Variants in CHCHD6 observed in about 807,000 individuals in gnomAD.
CHCHD6 encodes coiled-coil-helix-coiled-coil-helix domain containing 6, also known as MICOS complex subunit MIC25.
Under a neutral mutation model 32.3 loss-of-function variants are expected in CHCHD6, and 28 were observed. That is an observed-to-expected ratio of 0.87 (90% CI 0.64 to 1.19). CHCHD6 has a LOEUF of 1.19. CHCHD6 is among the 50% of genes most tolerant of loss of function. The pLI is 0.00. For synonymous variants in CHCHD6, 122 were observed against 117.5 expected (o/e 1.04, Z -0.25); for missense variants, 333 against 307.0 (o/e 1.08, Z -0.63).
At chr3:126,809,561 G>A (rs539524914) in intron 4 of CHCHD6, among the ~76,000 whole-genome samples, 2 of 152,318 alleles carry the variant, frequency 1.3e-5, no homozygotes, top group Admixed American at 1.3e-4. Context: ...AATTGTGTAA[G>A]CTGAACCAAG....
intron 1 of CHCHD6, among the ~76,000 whole-genome samples, chr3:126,715,818 C>A (rs1395291562): frequency 6.6e-6 from 1 of 152,144 alleles, no homozygotes; most frequent in Non-Finnish European, 1.5e-5. Flanking sequence ...CTCATGAATC[C>A]TTTCAGAGTT....
rs149023330 is a variant in CHCHD6, at chr3:126,914,523, G to A, written c.496-157G>A. On this transcript the variant is annotated intron_variant, in intron 5 of 7. Transcript: ENST00000290913. ...TAGGATTCTGTAGCAGCAGCCATGC[G>A]TGGTGGAGCTGGAACCCAAGGTGTG... Among the ~76,000 whole-genome samples the A allele has an allele frequency of 8.4e-4, 128 of 152,346 alleles. 1 individual carries two copies. The highest frequency in any genetic ancestry group is 2.9e-3 in the African/African-American group (119 of 41,578).
At chr3:126,724,841 C>T (rs879848152) in intron 1 of CHCHD6, among the ~76,000 whole-genome samples, 4 of 152,182 alleles carry the variant, frequency 2.6e-5, no homozygotes, top group Admixed American at 6.6e-5. Context: ...CACTTTCTTT[C>T]CTCATCCATA....
At chr3:126,938,436 C>T (rs1329217731) in intron 6 of CHCHD6, among the ~76,000 whole-genome samples, 7 of 152,110 alleles carry the variant, frequency 4.6e-5, no homozygotes, top group African/African-American at 1.7e-4. Flanking sequence ...GGAGTGTGTA[C>T]GTGACGCAGT....
In CHCHD6 at chr3:126,727,187, G is replaced by C; in HGVS notation, c.196+1G>C. On this transcript the variant is annotated splice_donor_variant, in intron 2 of 7. Coordinates refer to ENST00000290913, the MANE Select transcript of CHCHD6 (RefSeq NM_032343.3). LOFTEE classifies it high-confidence loss of function. ...GGCAACTTGAGAGCCCCTCACAAAG[G>C]TATGGGGATTGTGACAGTTCTGTGG... The C allele has an allele frequency of 6.3e-7, 1 of 1,593,368 alleles. No homozygotes were observed. The highest frequency in any genetic ancestry group is 8.6e-7 in the Non-Finnish European group (1 of 1,161,120).
intron 5 of CHCHD6, among the ~76,000 whole-genome samples, chr3:126,912,751 C>T (rs2078109369): frequency 6.6e-6 from 1 of 152,230 alleles, no homozygotes; most frequent in South Asian, 2.1e-4. Flanking sequence ...AGGGGCTCAC[C>T]TTCCACATTT....
chr3:126,860,674 T>C (rs1358707129), intron 5 of CHCHD6, among the ~76,000 whole-genome samples: 3 of 152,206 alleles, frequency 2.0e-5, no homozygotes. Context: ...ACCTTTTTTT[T>C]AGTAATGGTA....
At chr3:126,714,794 C>T (rs1055007432) in intron 1 of CHCHD6, among the ~76,000 whole-genome samples, 9 of 152,156 alleles carry the variant, frequency 5.9e-5, no homozygotes, top group Admixed American at 3.9e-4. Flanking sequence ...AGGCCTGTCT[C>T]GGCTGCTGAC....
chr3:126,770,868 T>A (rs1281891689), intron 4 of CHCHD6, among the ~76,000 whole-genome samples: 1 of 152,218 alleles, frequency 6.6e-6, no homozygotes, highest in Admixed American at 6.5e-5. Context: ...AAGTCCCTCC[T>A]CCTCAATTTT....
chr3:126,880,066 G>A (rs1281445872), intron 5 of CHCHD6, among the ~76,000 whole-genome samples: 1 of 152,194 alleles, frequency 6.6e-6, no homozygotes, highest in African/African-American at 2.4e-5. Context: ...TTAAGTGTAA[G>A]GAAAAGTAGC....
At position 126,758,727 on chromosome 3, in the gene CHCHD6, C is replaced by T. The variant is rs1031147646; in HGVS notation, c.411+25505C>T. 2.9e-4 allele frequency among the ~76,000 whole-genome samples: 44 copies of T among 152,094 alleles called. 1 individual carries two copies. The highest frequency in any genetic ancestry group is 2.8e-3 in the Admixed American group (42 of 15,266). On this transcript the variant is annotated intron_variant, in intron 4 of 7. Coordinates refer to ENST00000290913, the MANE Select transcript of CHCHD6 (RefSeq NM_032343.3). ...CAGTCTTTGAACTATAGGAGGAGGA[C>T]GAATGGAGCCAGTAAGACTTTCCTT...
intron 4 of CHCHD6, among the ~76,000 whole-genome samples, chr3:126,807,348 G>A (rs1303988341): frequency 6.6e-6 from 1 of 151,764 alleles, no homozygotes; most frequent in Non-Finnish European, 1.5e-5. Context: ...AGAAAATATT[G>A]AATTCATAAA....
chr3:126,860,948 G>A (rs2107557039), intron 5 of CHCHD6, among the ~76,000 whole-genome samples: 1 of 152,288 alleles, frequency 6.6e-6, no homozygotes, highest in Middle Eastern at 3.4e-3. Context: ...GGTATTGTAA[G>A]CCTTGGGTTT....
intron 5 of CHCHD6, among the ~76,000 whole-genome samples, chr3:126,877,827 A>C (rs189764654): frequency 6.6e-6 from 1 of 152,362 alleles, no homozygotes; most frequent in African/African-American, 2.4e-5. Flanking sequence ...GGCGGAAGGT[A>C]CATGGGATTG....
intron 5 of CHCHD6, among the ~76,000 whole-genome samples, chr3:126,898,118 A>G (rs907375620): frequency 1.3e-5 from 2 of 152,204 alleles, no homozygotes; most frequent in Non-Finnish European, 2.9e-5. Flanking sequence ...GAGGCCCTTC[A>G]GGTCCGCAGG....
intron 4 of CHCHD6, among the ~76,000 whole-genome samples, chr3:126,807,054 G>A (rs1464795459): frequency 8.4e-6 from 1 of 118,960 alleles, no homozygotes; most frequent in East Asian, 3.1e-4. Context: ...GCTGTGGGGT[G>A]GGGGGAGGGG....
At chr3:126,793,741 T>C (rs1938662137) in intron 4 of CHCHD6, among the ~76,000 whole-genome samples, 1 of 152,202 alleles carries the variant, frequency 6.6e-6, no homozygotes, top group African/African-American at 2.4e-5. Flanking sequence ...TTAAAAATTA[T>C]TTCGTTTCTA....
chr3:126,904,120 A>T (rs902920517), intron 5 of CHCHD6, among the ~76,000 whole-genome samples: 1 of 152,104 alleles, frequency 6.6e-6, no homozygotes, highest in Non-Finnish European at 1.5e-5. Flanking sequence ...TTTTTCTGTT[A>T]TCTTCTTATA....
chr3:126,788,936 C>G (rs948710426), intron 4 of CHCHD6, among the ~76,000 whole-genome samples: 1 of 152,128 alleles, frequency 6.6e-6, no homozygotes, highest in African/African-American at 2.4e-5. Flanking sequence ...TTAGATCTTT[C>G]CTGCTTTCTC....
Sources: gnomAD v4.1 joint callset for allele counts (sites outside exome capture counted in the v4.1 genomes callset) on GRCh38, gnomAD v4.1.1 for gene constraint, MANE v1.5 for transcripts, NCBI Gene and HGNC (gene_info 2026-07-23, HGNC 2026-07-21) for gene names.